The following LOC114841035 variants were observed in gnomAD, a reference collection of about 807,000 sequenced individuals.
chr11:64,242,143 T>C, the LOC114841035 span: 1 of 453,524 alleles, frequency 2.2e-6, no homozygotes, highest in Non-Finnish European at 3.9e-6. Context: ...GGTCCCTGGC[T>C]GCTGTGGCCT....
At chr11:64,241,906 C>T in the LOC114841035 span, 6 of 153,866 alleles carry the variant, frequency 3.9e-5, no homozygotes, top group Non-Finnish European at 8.7e-5. Flanking sequence ...CGGAGCCACC[C>T]AGTGGGGATG....
chr11:64,243,740 A>T, the LOC114841035 span: 2 of 1,514,756 alleles, frequency 1.3e-6, no homozygotes, highest in Non-Finnish European at 1.8e-6. Flanking sequence ...ACCCTTCTCC[A>T]TTTCTGGCCT....
the LOC114841035 span, chr11:64,243,366 G>A: frequency 1.3e-4 from 206 of 1,604,274 alleles, 2 homozygotes; most frequent in African/African-American, 2.4e-3. Flanking sequence ...CACCGCCCAG[G>A]AGGTAAGCTG....
At chr11:64,242,108 A>C in the LOC114841035 span, 5 of 352,644 alleles carry the variant, frequency 1.4e-5, no homozygotes, top group East Asian at 5.1e-5. Flanking sequence ...GAGGGAGGGA[A>C]GGTATGGGGG....
the LOC114841035 span, chr11:64,243,740 A>G: frequency 6.6e-7 from 1 of 1,514,756 alleles, no homozygotes; most frequent in African/African-American, 1.4e-5. Flanking sequence ...ACCCTTCTCC[A>G]TTTCTGGCCT....
chr11:64,243,103 TGGGCGTGGGG>T, the LOC114841035 span: 3 of 1,047,740 alleles, frequency 2.9e-6, no homozygotes, highest in Non-Finnish European at 4.4e-6. Flanking sequence ...GGGCTGTGGG[TGGGCGTGGGG>T]GGGCAGCTTG....
the LOC114841035 span, chr11:64,243,116 G>C: frequency 1.6e-6 from 2 of 1,264,360 alleles, no homozygotes. Flanking sequence ...GCGTGGGGGG[G>C]CAGCTTGATG....
At chr11:64,243,564 T>A in the LOC114841035 span, 1 of 1,567,012 alleles carries the variant, frequency 6.4e-7, no homozygotes, top group Non-Finnish European at 8.8e-7. Context: ...TGAAAGCTGC[T>A]TCAGCTTTTC....
At chr11:64,242,508 C>T in the LOC114841035 span, 1 of 1,555,302 alleles carries the variant, frequency 6.4e-7, no homozygotes, top group Non-Finnish European at 8.6e-7. Context: ...GCGGGTGGAC[C>T]ACTGTCCCAT....
the LOC114841035 span, chr11:64,243,589 T>A: frequency 6.7e-7 from 1 of 1,493,194 alleles, no homozygotes; most frequent in Non-Finnish European, 9.3e-7. Flanking sequence ...GTCTTCACCG[T>A]ATCCATTCAT....
the LOC114841035 span, chr11:64,243,165 C>A: frequency 6.3e-7 from 1 of 1,599,726 alleles, no homozygotes; most frequent in South Asian, 1.1e-5. Flanking sequence ...GGGGTGGTCC[C>A]CTCTTCCTCA....
At chr11:64,244,117 A>C in the LOC114841035 span, 1 of 1,468,976 alleles carries the variant, frequency 6.8e-7, no homozygotes, top group South Asian at 1.2e-5. Flanking sequence ...AAACAAAAAA[A>C]CACTTAAAAG....
the LOC114841035 span, chr11:64,242,226 C>T: frequency 3.0e-6 from 2 of 677,296 alleles, no homozygotes; most frequent in African/African-American, 1.9e-5. Context: ...AAGTGTGGCC[C>T]CGGAGCCCGG....
chr11:64,242,191 C>G, the LOC114841035 span: 1 of 513,330 alleles, frequency 1.9e-6, no homozygotes, highest in Admixed American at 4.2e-5. Context: ...GGTCCTCGGC[C>G]AAGCCCCCTT....
At chr11:64,243,161 G>A in the LOC114841035 span, 1 of 1,580,278 alleles carries the variant, frequency 6.3e-7, no homozygotes, top group Non-Finnish European at 8.7e-7. Context: ...GTCAGGGGTG[G>A]TCCCCTCTTC....
At chr11:64,242,613 A>T in the LOC114841035 span, 26 of 1,495,876 alleles carry the variant, frequency 1.7e-5, no homozygotes, top group African/African-American at 3.5e-4. Context: ...AGGACCAGAG[A>T]GTGCTTGGGA....
chr11:64,243,047 T>C, the LOC114841035 span: 2 of 665,714 alleles, frequency 3.0e-6, no homozygotes, highest in Non-Finnish European at 5.3e-6. Context: ...ACTCCAGCCA[T>C]GGCAACAGAG....
the LOC114841035 span, chr11:64,243,812 C>T: frequency 5.6e-6 from 9 of 1,613,706 alleles, no homozygotes; most frequent in Non-Finnish European, 6.8e-6. Flanking sequence ...TTGGCCATCA[C>T]TGACTGTTTC....
chr11:64,242,094 C>A, the LOC114841035 span: 1 of 338,122 alleles, frequency 3.0e-6, no homozygotes, highest in Non-Finnish European at 5.4e-6. Flanking sequence ...GAGGTGGGGA[C>A]TGGGAGGGAG....
Sources: allele counts gnomAD v4.1 joint callset, GRCh38; gene constraint gnomAD v4.1.1; transcripts MANE v1.5.